Variants in PPP1R1C observed in about 807,000 individuals in gnomAD.
The protein encoded by PPP1R1C is protein phosphatase 1 regulatory inhibitor subunit 1C.
In PPP1R1C, 15 loss-of-function variants were observed where a neutral mutation model predicts 17.4. The ratio of observed to expected loss-of-function variants is 0.86; its 90% CI spans 0.58 to 1.33. The LOEUF (loss-of-function observed/expected upper bound fraction) is 1.33, where lower values mean the gene tolerates loss of function less well. Among genes scored for constraint, PPP1R1C ranks in the 40% most tolerant of loss-of-function variants. The pLI, the probability that PPP1R1C is intolerant of heterozygous loss-of-function variation, is 0.00. For missense variants in PPP1R1C, 143 were observed against 130.0 expected (o/e 1.10, Z -0.48); for synonymous variants, 35 against 43.1 (o/e 0.81, Z 0.73).
intron 4 of PPP1R1C, among the ~76,000 whole-genome samples, chr2:182,087,590 C>A (rs976377965): frequency 6.6e-6 from 1 of 152,132 alleles, no homozygotes; most frequent in Admixed American, 6.6e-5. Context: ...CCAAAGTATG[C>A]CTGGCACACA....
intron 2 of PPP1R1C, among the ~76,000 whole-genome samples, chr2:182,047,931 C>T (rs1244840643): frequency 6.6e-6 from 1 of 152,054 alleles, no homozygotes; most frequent in Non-Finnish European, 1.5e-5. Context: ...CATAATCCAT[C>T]TTGTGTTTTC....
chr2:182,061,307 T>G (rs1200375868), intron 2 of PPP1R1C, 135 bp from the exon 3 acceptor site: 1 of 622,020 alleles, frequency 1.6e-6, no homozygotes, highest in African/African-American at 2.0e-5. Context: ...CCTCCTCTCC[T>G]TCTTAGCTGT....
At chr2:182,086,157 A>G (rs1254013904) in intron 4 of PPP1R1C, among the ~76,000 whole-genome samples, 1 of 152,146 alleles carries the variant, frequency 6.6e-6, no homozygotes, top group Non-Finnish European at 1.5e-5. Flanking sequence ...GATAAATGAC[A>G]GACTAGAAAA....
Position 182,055,288 on chromosome 2 carries a change from A to G in PPP1R1C, c.143-6154A>G, listed in dbSNP as rs112450504. ...TTACTTCCCTCTAAGTCTCTTTACC[A>G]TCTCTTACTTATATGATTGTCTTAA... On this transcript the variant is annotated intron_variant, in intron 2 of 4. Coordinates refer to ENST00000682840, the MANE Select transcript of PPP1R1C (RefSeq NM_001080545.3). Among the ~76,000 whole-genome samples, 9 of 152,222 alleles carry G rather than the reference A, an allele frequency of 5.9e-5. 3 individuals are homozygous for G. The highest frequency in any genetic ancestry group is 2.2e-4 in the African/African-American group (9 of 41,538).
intron 4 of PPP1R1C, among the ~76,000 whole-genome samples, chr2:182,070,301 T>C (rs1688105158): frequency 6.6e-6 from 1 of 152,238 alleles, no homozygotes; most frequent in Admixed American, 6.5e-5. Context: ...GATGCTGTAA[T>C]GTGGGCAGTT....
chr2:182,130,189 A>G (rs1689974460), downstream of PPP1R1C: 1 of 152,166 alleles, frequency 6.6e-6, no homozygotes, highest in African/African-American at 2.4e-5. Flanking sequence ...AAAAATAAAA[A>G]TAATTTCACA....
At chr2:181,999,033 T>C (rs1458659550) in intron 2 of PPP1R1C, among the ~76,000 whole-genome samples, 1 of 152,214 alleles carries the variant, frequency 6.6e-6, no homozygotes, top group East Asian at 1.9e-4. Flanking sequence ...GACAATTTTT[T>C]ACTTAAGGGT....
intron 2 of PPP1R1C, among the ~76,000 whole-genome samples, chr2:181,989,580 GA>G (rs1685400580): frequency 6.6e-6 from 1 of 152,074 alleles, no homozygotes; most frequent in Non-Finnish European, 1.5e-5. Context: ...CCATTTTCTG[GA>G]CCACTTATCT....
intron 4 of PPP1R1C, among the ~76,000 whole-genome samples, chr2:182,111,387 A>T (rs150118572): frequency 2.0e-5 from 3 of 152,186 alleles, no homozygotes; most frequent in Non-Finnish European, 4.4e-5. Context: ...TGCAGCTTAT[A>T]TTAATTGGCT....
chr2:182,033,949 T>C (rs1166267918), intron 2 of PPP1R1C, among the ~76,000 whole-genome samples: 1 of 152,204 alleles, frequency 6.6e-6, no homozygotes, highest in Non-Finnish European at 1.5e-5. Context: ...AAAACTCTTC[T>C]GATCTTTCAG....
At chr2:182,111,295 G>T (rs1306763166) in intron 4 of PPP1R1C, among the ~76,000 whole-genome samples, 14 of 152,074 alleles carry the variant, frequency 9.2e-5, no homozygotes, top group Admixed American at 9.2e-4. Flanking sequence ...GGATGATGAA[G>T]AGAAAATCAT....
chr2:181,975,655 T>G lies in PPP1R1C; in HGVS notation n.157+391T>G, dbSNP rs1396272401. Among the ~76,000 whole-genome samples the G allele has an allele frequency of 2.0e-5, 3 of 151,822 alleles. No individual in the cohort carries two copies. The East Asian group carries it at 5.8e-4, about 29-fold the overall frequency. ...GTTCTTTCTCTTTTTATTTTTTATTTTATTATTATTATAATACTTTAAGTT... is the reference window on the plus strand; with the variant it reads ...GTTCTTTCTCTTTTTATTTTTTATTGTATTATTATTATAATACTTTAAGTT... On this transcript the variant is annotated intron_variant and non_coding_transcript_variant, in intron 2 of 5. Transcript: ENST00000464264.
chr2:182,010,232 T>C (rs942509387), intron 2 of PPP1R1C, among the ~76,000 whole-genome samples: 1 of 152,126 alleles, frequency 6.6e-6, no homozygotes, highest in Non-Finnish European at 1.5e-5. Context: ...ATTTTAACAA[T>C]ATTTGTTCTT....
intron 2 of PPP1R1C, among the ~76,000 whole-genome samples, chr2:182,060,987 G>A (rs976508696): frequency 1.3e-5 from 2 of 152,118 alleles, no homozygotes; most frequent in Admixed American, 1.3e-4. Flanking sequence ...CATATATAGA[G>A]AGGATACTGC....
chr2:182,044,747 G>C (rs1420477113), intron 2 of PPP1R1C, among the ~76,000 whole-genome samples: 1 of 152,146 alleles, frequency 6.6e-6, no homozygotes, highest in African/African-American at 2.4e-5. Context: ...AGGATGCATA[G>C]CACAGAGTAT....
At chr2:181,995,390 G>A (rs564520156) in intron 2 of PPP1R1C, among the ~76,000 whole-genome samples, 82 of 152,262 alleles carry the variant, frequency 5.4e-4, no homozygotes, top group Non-Finnish European at 1.0e-3. Flanking sequence ...CAGAAAAATA[G>A]CGCATCCTCC....
rs987039460 is a variant in PPP1R1C at position 181,961,975 on chromosome 2, A to T, written n.111+7341A>T. 2.7e-6 allele frequency: 2 copies of T among 734,710 alleles called. No homozygotes were observed. Among genetic ancestry groups the T allele is most frequent in the Non-Finnish European group, 5.0e-6 (2 of 398,126 alleles). 45.5% of individuals were successfully genotyped at this position (734,710 alleles called of 1,614,324 possible). A position where few individuals can be genotyped will look rare whatever the true frequency, so the allele number is the denominator to read the frequency against. On this transcript the variant is annotated intron_variant and non_coding_transcript_variant, in intron 1 of 5. Transcript: ENST00000464264. This position sits in a 1 kb window ranked among gnomAD's most constrained non-coding sequence, Gnocchi z 5.8. ...ACGGGTGCATGGCCAGCTCTGTCTC[A>T]TACTTGACTCTAAAGTCATCGGCTG...
intron 2 of PPP1R1C, among the ~76,000 whole-genome samples, chr2:182,043,963 A>G (rs992462736): frequency 5.3e-5 from 8 of 152,156 alleles, no homozygotes; most frequent in Non-Finnish European, 1.2e-4. Flanking sequence ...GAACAATTCC[A>G]TGAACTCAAA....
chr2:182,034,735 G>C (rs779051401), intron 2 of PPP1R1C, among the ~76,000 whole-genome samples: 45 of 152,042 alleles, frequency 3.0e-4, no homozygotes, highest in Non-Finnish European at 5.7e-4. Context: ...AGTAGATCCA[G>C]GTATCTAAAA....
Sources: allele counts gnomAD v4.1 joint callset (sites outside exome capture counted in the v4.1 genomes callset), GRCh38; gene constraint gnomAD v4.1.1; non-coding constraint Gnocchi (gnomAD v3.1); transcripts MANE v1.5; gene names NCBI Gene and HGNC (gene_info 2026-07-23, HGNC 2026-07-21).